Variants in XPR1 observed in about 807,000 individuals in gnomAD.
XPR1 encodes the protein xenotropic and polytropic retrovirus receptor 1.
XPR1 carries 28 observed loss-of-function variants against 87.5 expected under a neutral mutation model. That is an observed-to-expected ratio of 0.32 (90% CI 0.24 to 0.44). The LOEUF is 0.44. Ranked by LOEUF, XPR1 falls within the 20% of genes least tolerant of loss-of-function variation. The pLI is 1.00. For synonymous variants in XPR1, 300 were observed against 306.1 expected, an observed-to-expected ratio of 0.98 and a Z score of 0.21; for missense variants, 559 against 862.3, an observed-to-expected ratio of 0.65 and a Z score of 4.41.
At chr1:180,795,543 T>C (rs796868863) in intron 3 of XPR1, among the ~76,000 whole-genome samples, 1 of 152,326 alleles carries the variant, frequency 6.6e-6, no homozygotes, top group African/African-American at 2.4e-5. Flanking sequence ...TGTGTAATAT[T>C]TTTTCAGATA....
intron 2 of XPR1, among the ~76,000 whole-genome samples, chr1:180,731,685 A>C (rs1164186328): frequency 6.6e-6 from 1 of 152,234 alleles, no homozygotes; most frequent in Non-Finnish European, 1.5e-5. Flanking sequence ...ACTCATATCC[A>C]AAGTATGATC....
At chr1:180,769,033 T>G (rs925817827) in intron 2 of XPR1, among the ~76,000 whole-genome samples, 15 of 152,132 alleles carry the variant, frequency 9.9e-5, no homozygotes, top group Non-Finnish European at 2.9e-5. Flanking sequence ...GAAGAATGTT[T>G]CTCAAATTGT....
At chr1:180,731,451 C>G (rs916181895) in intron 2 of XPR1, among the ~76,000 whole-genome samples, 1 of 152,162 alleles carries the variant, frequency 6.6e-6, no homozygotes, top group Admixed American at 6.5e-5. Flanking sequence ...TAGGGAGTGA[C>G]AAGGAGGCCT....
chr1:180,685,386 G>T (rs1395834014), intron 2 of XPR1, among the ~76,000 whole-genome samples: 1 of 152,206 alleles, frequency 6.6e-6, no homozygotes, highest in African/African-American at 2.4e-5. Flanking sequence ...GATTTGGTTT[G>T]TCAGTATTTT....
intron 10 of XPR1, among the ~76,000 whole-genome samples, chr1:180,836,232 C>T (rs977714947): frequency 6.6e-6 from 1 of 151,924 alleles, no homozygotes; most frequent in Non-Finnish European, 1.5e-5. Context: ...GTGGTATGCA[C>T]CTGTAATCCC....
chr1:180,704,094 G>C (rs1338117044), intron 2 of XPR1, among the ~76,000 whole-genome samples: 1 of 151,096 alleles, frequency 6.6e-6, no homozygotes, highest in Non-Finnish European at 1.5e-5. Context: ...CCAGAGTCTG[G>C]ATTTTGCTGA....
chr1:180,653,813 G>C (rs1371632009), intron 1 of XPR1, among the ~76,000 whole-genome samples: 2 of 152,036 alleles, frequency 1.3e-5, no homozygotes, highest in African/African-American at 2.4e-5. Flanking sequence ...ACGTTGATCT[G>C]GTAACTGCAT....
At chr1:180,648,974 T>A (rs73049463) in intron 1 of XPR1, among the ~76,000 whole-genome samples, 6,512 of 152,258 alleles carry the variant, frequency 0.043, 496 homozygotes, top group African/African-American at 0.15. Flanking sequence ...AGTTAGCATC[T>A]TTTTGGGGGA....
chr1:180,763,223 G>C (rs1434787833), intron 2 of XPR1, among the ~76,000 whole-genome samples: 1 of 152,220 alleles, frequency 6.6e-6, no homozygotes, highest in South Asian at 2.1e-4. Context: ...GTGAACAGAG[G>C]CATGGATGTG....
At chr1:180,770,889 A>G (rs180962956) in intron 2 of XPR1, among the ~76,000 whole-genome samples, 16 of 151,948 alleles carry the variant, frequency 1.1e-4, no homozygotes, top group Admixed American at 1.0e-3. Flanking sequence ...GCTTATTATT[A>G]TTTTTCCTGC....
chr1:180,884,237 T>C lies in XPR1; in HGVS notation c.*171T>C, dbSNP rs1652935856. ...ACTCCAAACAAGCTCACTGTGTTTCTTTTCTTTTCTTCTGGTTTAATTTTA... is the reference window on the plus strand; with the variant it reads ...ACTCCAAACAAGCTCACTGTGTTTCCTTTCTTTTCTTCTGGTTTAATTTTA... On this transcript the variant is annotated 3_prime_UTR_variant, in exon 15 of 15. Transcript: ENST00000367590. 1 of 496,248 alleles carries C rather than the reference T, an allele frequency of 2.0e-6. No individual in the cohort carries two copies. The highest frequency in any genetic ancestry group is 2.0e-5 in the African/African-American group (1 of 50,484). 30.7% of individuals were successfully genotyped at this position (496,248 alleles called of 1,614,324 possible). A position where few individuals can be genotyped will look rare whatever the true frequency, so the allele number is the denominator to read the frequency against.
intron 3 of XPR1, among the ~76,000 whole-genome samples, chr1:180,799,900 A>G (rs1407762796): frequency 6.6e-6 from 1 of 152,228 alleles, no homozygotes; most frequent in East Asian, 1.9e-4. Flanking sequence ...CAATCCAGTT[A>G]TTCACCAAGA....
chr1:180,686,851 A>G (rs1254091507), intron 2 of XPR1, among the ~76,000 whole-genome samples: 1 of 152,142 alleles, frequency 6.6e-6, no homozygotes, highest in Non-Finnish European at 1.5e-5. Context: ...AAAAATATCC[A>G]TCTTTCATCT....
At chr1:180,727,996 A>G (rs770725561) in intron 2 of XPR1, among the ~76,000 whole-genome samples, 37 of 151,950 alleles carry the variant, frequency 2.4e-4, no homozygotes, top group Non-Finnish European at 4.0e-4. Flanking sequence ...TCAACCTCCT[A>G]TCTTATCCTG....
At chr1:180,760,787 A>G (rs1437086008) in intron 2 of XPR1, among the ~76,000 whole-genome samples, 2 of 152,192 alleles carry the variant, frequency 1.3e-5, no homozygotes, top group African/African-American at 4.8e-5. Context: ...TATGGAACCA[A>G]AAAAGAGCCC....
intron 9 of XPR1, among the ~76,000 whole-genome samples, chr1:180,829,210 G>C (rs1650968439): frequency 6.6e-6 from 1 of 152,222 alleles, no homozygotes; most frequent in East Asian, 1.9e-4. Flanking sequence ...CTATTTATCA[G>C]TATTAACTTA....
intron 3 of XPR1, among the ~76,000 whole-genome samples, chr1:180,798,262 A>G (rs946302093): frequency 6.6e-6 from 1 of 152,182 alleles, no homozygotes; most frequent in Non-Finnish European, 1.5e-5. Flanking sequence ...TTAAAGGACC[A>G]ATTAGATCTT....
At chr1:180,650,639 G>C (rs758060417) in intron 1 of XPR1, among the ~76,000 whole-genome samples, 2 of 152,180 alleles carry the variant, frequency 1.3e-5, no homozygotes, top group Admixed American at 1.3e-4. Flanking sequence ...ACAAGAGTGA[G>C]GAAGATAAGA....
chr1:180,806,238 G>A (rs201469796), intron 5 of XPR1, 27 bp downstream of exon 5: 384 of 1,600,026 alleles, frequency 2.4e-4, no homozygotes, highest in Middle Eastern at 3.3e-4. Context: ...TATTTACAAC[G>A]TATTTTCAGT....
Sources: gnomAD v4.1 joint callset for allele counts (sites outside exome capture counted in the v4.1 genomes callset) on GRCh38, gnomAD v4.1.1 for gene constraint, MANE v1.5 for transcripts, NCBI Gene and HGNC (gene_info 2026-07-23, HGNC 2026-07-21) for gene names.